The following ZNF318 variants were observed in gnomAD, a reference collection of about 807,000 sequenced individuals.
The protein encoded by ZNF318 is zinc finger protein 318.
ZNF318 carries 51 observed loss-of-function variants against 124.2 expected under a neutral mutation model. The ratio of observed to expected loss-of-function variants is 0.41; its 90% CI spans 0.33 to 0.52. The LOEUF (loss-of-function observed/expected upper bound fraction) is 0.52, where lower values mean the gene tolerates loss of function less well. Ranked by LOEUF, ZNF318 falls within the 20% of genes least tolerant of loss-of-function variation. ZNF318 has a pLI of 0.23. For synonymous variants in ZNF318, 1,090 were observed against 1,040.7 expected, an observed-to-expected ratio of 1.05 and a Z score of -0.91; for missense variants, 2,815 against 2,811.2, an observed-to-expected ratio of 1.00 and a Z score of -0.03.
In ZNF318 at chr6:43,348,635, C is replaced by A. The variant is rs1779482712; in HGVS notation, c.2771-10G>T. 1.2e-6 allele frequency: 2 copies of A among 1,605,490 alleles called. No individual in the cohort carries two copies. ...TTGCGCAGCATTTCTCCTGAGCAATCAAATGTCAACAAAAAGAAGCACAGG... is the reference window on the plus strand; with the variant it reads ...TTGCGCAGCATTTCTCCTGAGCAATAAAATGTCAACAAAAAGAAGCACAGG... On this transcript the variant is annotated splice_polypyrimidine_tract_variant and intron_variant, in intron 5 of 9. Coordinates refer to ENST00000361428, the MANE Select transcript of ZNF318 (RefSeq NM_014345.3).
At position 43,338,646 on chromosome 6, in the gene ZNF318, CCTTT is replaced by C. The variant is rs1197213483; in HGVS notation, c.5348_5351del (p.Glu1783GlyfsTer2). On this transcript the variant is annotated frameshift_variant, in exon 10 of 10. Coordinates refer to ENST00000361428, the MANE Select transcript of ZNF318 (RefSeq NM_014345.3). LOFTEE classifies it low-confidence loss of function (END_TRUNC). ...CTATCCCCTCAGACAGCTCCTTTAC[CCTTT>C]CTTTTAGTTCAGTGTTTGTCTCTAT... is the stretch of plus-strand genomic sequence containing the variant. 16 of 1,614,032 alleles carry C rather than the reference CCTTT, an allele frequency of 9.9e-6. No homozygotes were observed. The highest frequency in any genetic ancestry group is 1.7e-5 in the Admixed American group (1 of 60,002).
intron 2 of ZNF318, among the ~76,000 whole-genome samples, chr6:43,358,627 G>C (rs918094998): frequency 1.3e-4 from 20 of 152,120 alleles, no homozygotes; most frequent in African/African-American, 4.8e-4. Flanking sequence ...GATCTCGGCT[G>C]ACTGCAACCT....
rs754840305 is a variant in ZNF318, at chr6:43,340,922, A to G, written c.3377-14T>C. 2 of 1,590,032 alleles carry G rather than the reference A, an allele frequency of 1.3e-6. No individual in the cohort carries two copies. Among genetic ancestry groups the G allele is most frequent in the African/African-American group, 1.3e-5 (1 of 74,462 alleles). On this transcript the variant is annotated splice_polypyrimidine_tract_variant and intron_variant, in intron 8 of 9. Transcript: ENST00000361428. ...GAAACTCAGAGCCTGGAAGAAGTAG[A>G]AAAAAGTCAAGGAAATAAGTCGATT...
chr6:43,340,260 T>C lies in ZNF318; in HGVS notation c.3738A>G (p.Lys1246=), dbSNP rs1779354098. 5 of 1,613,942 alleles carry C rather than the reference T, an allele frequency of 3.1e-6. No homozygotes were observed. In the Admixed American group the frequency reaches 6.7e-5, roughly 22 times the overall value. Residue 1246 remains lysine, a synonymous_variant, in exon 10 of 10, where the codon AAA becomes AAG. Coordinates refer to ENST00000361428, the MANE Select transcript of ZNF318 (RefSeq NM_014345.3). ...TGCCAGTGTTCCTTTTATTTTCAGC[T>C]TTTTCAGGGGAGTTCCTACCCTCAG... ...QLSEGRNSPE[K]AENKRNTGIK...
At chr6:43,357,080 T>C in intron 3 of ZNF318, 46 bp downstream of exon 3, 1 of 1,559,290 alleles carries the variant, frequency 6.4e-7, no homozygotes, top group South Asian at 1.2e-5. Flanking sequence ...GGCTTTAAGA[T>C]ATTAGGGAGA....
At chr6:43,364,331 GAAAAAAAA>G (rs34131739) in intron 2 of ZNF318, 2 of 147,564 alleles carry the variant, frequency 1.4e-5, no homozygotes, top group Non-Finnish European at 2.7e-5. Context: ...AATTAAGCCT[GAAAAAAAA>G]AAAAAAAAAA....
Position 43,355,488 on chromosome 6 carries a change from G to C in ZNF318, c.1846C>G (p.Gln616Glu), listed in dbSNP as rs748824622. Residue 616 changes from glutamine to glutamate, a missense_variant, in exon 4 of 10, where the codon CAG becomes GAG. Around this residue, in one of 4 missense-constraint regions of ZNF318, gnomAD observed 1,377 missense variants for 1,353.5 expected, o/e 1.02. Coordinates refer to ENST00000361428, the MANE Select transcript of ZNF318 (RefSeq NM_014345.3). ...AEISQLAART[Q>E]ERLHGKKPSL... ...GGCTTCTTGCCATGAAGTCGTTCCT[G>C]GGTGCGTGCAGCCAATTGACTAATC... 3 of 1,614,200 alleles carry C rather than the reference G, an allele frequency of 1.9e-6. No homozygotes were observed. Among genetic ancestry groups the C allele is most frequent in the East Asian group, 4.5e-5 (2 of 44,886 alleles).
Position 43,340,541 on chromosome 6 carries a change from A to G in ZNF318, c.3496-39T>C, listed in dbSNP as rs751819075. The G allele has an allele frequency of 7.8e-6, 12 of 1,541,362 alleles. No homozygotes were observed. In the African/African-American group the frequency reaches 1.7e-4, roughly 22 times the overall value. ...AGATAAAGACTCAAAAACTGGTGAA[A>G]ATACAAGAGAAAAAAATCTTGGCCC... On this transcript the variant is annotated intron_variant, in intron 9 of 9. Transcript: ENST00000361428.
Position 43,340,316 on chromosome 6 carries a change from T to C in ZNF318, c.3682A>G (p.Lys1228Glu), listed in dbSNP as rs979143624. 4 of 1,614,008 alleles carry C rather than the reference T, an allele frequency of 2.5e-6. No homozygotes were observed. The highest frequency in any genetic ancestry group is 3.4e-6 in the Non-Finnish European group (4 of 1,180,030). Residue 1228 changes from lysine to glutamate, a missense_variant, in exon 10 of 10, where the codon AAG becomes GAG. By Grantham distance (56) the Lys-to-Glu change is moderately conservative. Coordinates refer to ENST00000361428, the MANE Select transcript of ZNF318 (RefSeq NM_014345.3). ...TGGTCTTCTAATTTCTCAGAGACCT[T>C]GTCATCCTCCTTTACTTCTTTCACA... is the stretch of plus-strand genomic sequence containing the variant. ...KAVKEVKEDD[K>E]VSEKLEDQLS...
chr6:43,354,615 A>G (rs1779577417), intron 4 of ZNF318, 49 bp downstream of exon 4: 1 of 1,517,370 alleles, frequency 6.6e-7, no homozygotes, highest in East Asian at 2.3e-5. Flanking sequence ...ATACAAATTT[A>G]TGGCAAAACA....
Position 43,357,344 on chromosome 6 carries a change from T to C in ZNF318, c.970A>G (p.Lys324Glu), listed in dbSNP as rs1333781314. The C allele has an allele frequency of 1.2e-6, 2 of 1,614,110 alleles. No individual in the cohort carries two copies. Among genetic ancestry groups the C allele is most frequent in the Non-Finnish European group, 1.7e-6 (2 of 1,180,004 alleles). The change falls in exon 3 of 10, where the codon AAG (lysine) becomes GAG (glutamate). Residue 324 changes from lysine (K) to glutamate (E), a missense_variant. Physicochemically the swap from Lys to Glu is moderately conservative, Grantham distance 56 (BLOSUM62 1). This residue lies in a region of ZNF318 where 1,377 missense variants were observed against 1,353.5 expected (regional missense o/e 1.02). Transcript: ENST00000361428. ...EFRELDLARR[K>E]REEEEERSRS... Reference sequence around the variant, plus strand: ...CTTCGCTCCTCCTCTTCCTCTCGCTTTCGTCTGGCAAGATCCAGTTCTCGA... The same window carrying C: ...CTTCGCTCCTCCTCTTCCTCTCGCTCTCGTCTGGCAAGATCCAGTTCTCGA...
intron 2 of ZNF318, chr6:43,363,964 G>GT (rs1413658570): frequency 1.5e-6 from 1 of 681,726 alleles, no homozygotes; most frequent in Non-Finnish European, 2.6e-6. Flanking sequence ...TCCTTGCAAG[G>GT]TGACAGGCTA....
chr6:43,338,849 T>G lies in ZNF318; in HGVS notation c.5149A>C (p.Ser1717Arg), dbSNP rs551888324. Residue 1717 changes from serine to arginine, a missense_variant, in exon 10 of 10, where the codon AGT becomes CGT. By Grantham distance (110) the Ser-to-Arg change is moderately radical. Around this residue, in one of 4 missense-constraint regions of ZNF318, gnomAD observed 927 missense variants for 820.6 expected, o/e 1.13. Transcript: ENST00000361428. ...DTSRDISPEKSELDLGEPGPP... is the reference protein window; with the variant it reads ...DTSRDISPEKRELDLGEPGPP... ...CCTGGCTCTCCCAGGTCAAGCTCAC[T>G]CTTCTCTGGAGATATATCCCTACTA... The G allele has an allele frequency of 1.2e-6, 2 of 1,614,168 alleles. No homozygotes were observed. Among genetic ancestry groups the G allele is most frequent in the East Asian group, 4.5e-5 (2 of 44,882 alleles).
Position 43,355,990 on chromosome 6 carries a change from G to T in ZNF318, c.1344C>A (p.Gly448=). The T allele has an allele frequency of 6.2e-7, 1 of 1,614,176 alleles. No individual in the cohort carries two copies. The highest frequency in any genetic ancestry group is 8.5e-7 in the Non-Finnish European group (1 of 1,180,030). ...MVETALKEPQ[G]NLYQWGPLPG... is the part of the protein sequence containing the mutation. ...GAAGGGGACCCCATTGGTAGAGGTT[G>T]CCCTGAGGTTCCTTCAAGGCAGTCT... Residue 448 remains glycine (G), a synonymous_variant, in exon 4 of 10, where the codon GGC becomes GGA. Coordinates refer to ENST00000361428, the MANE Select transcript of ZNF318 (RefSeq NM_014345.3).
chr6:43,359,938 C>G (rs1779659279), intron 2 of ZNF318, among the ~76,000 whole-genome samples: 1 of 152,130 alleles, frequency 6.6e-6, no homozygotes, highest in Non-Finnish European at 1.5e-5. Context: ...AAAAATTTTT[C>G]TCTATAGGTC....
In ZNF318 at chr6:43,339,829, G is replaced by C; in HGVS notation, c.4169C>G (p.Pro1390Arg). 1 of 1,614,188 alleles carries C rather than the reference G, an allele frequency of 6.2e-7. No individual in the cohort carries two copies. Among genetic ancestry groups the C allele is most frequent in the Non-Finnish European group, 8.5e-7 (1 of 1,180,026 alleles). Residue 1390 changes from proline (P) to arginine (R), a missense_variant, in exon 10 of 10, where the codon CCA becomes CGA. Around this residue, in one of 4 missense-constraint regions of ZNF318, gnomAD observed 500 missense variants for 605.2 expected, o/e 0.83. Transcript: ENST00000361428. The surrounding 1 kb of genome is among the most constrained non-coding windows in gnomAD (Gnocchi z 4.2). ...KSSGTTAKPL[P>R]VVKESSADLL... ...ATCAGCTGAAGACTCTTTAACCACT[G>C]GCAGAGGTTTAGCAGTGGTTCCAGA... is the stretch of plus-strand genomic sequence containing the variant.
rs1248845998 is a variant in ZNF318 at position 43,369,246 on chromosome 6, T to A, written c.120A>T (p.Ser40=). Residue 40 remains serine, a synonymous_variant, in exon 1 of 10, where the codon TCA becomes TCT. Transcript: ENST00000361428. ...AGGAGCCGGAGGGCGGAGGCGGCGG[T>A]GAGCTGCGGCGAGCCGGGCCTGAGG... ...GSSSGPARRS[S]PPPPPSGSSS... is the part of the protein sequence containing the mutation. 1 of 1,241,838 alleles carries A rather than the reference T, an allele frequency of 8.1e-7. No individual in the cohort carries two copies. The highest frequency in any genetic ancestry group is 1.0e-6 in the Non-Finnish European group (1 of 992,666). 76.9% of individuals were successfully genotyped at this position (1,241,838 alleles called of 1,614,324 possible). A position where few individuals can be genotyped will look rare whatever the true frequency, so the allele number is the denominator to read the frequency against.
intron 6 of ZNF318, among the ~76,000 whole-genome samples, chr6:43,344,739 G>C (rs1779414718): frequency 6.6e-6 from 1 of 151,908 alleles, no homozygotes; most frequent in Non-Finnish European, 1.5e-5. Flanking sequence ...CCCATATCTA[G>C]ACCAGTTCCT....
rs1397153536 is a variant in ZNF318 at position 43,357,176 on chromosome 6, A to G, written c.1138T>C (p.Ser380Pro). The change falls in exon 3 of 10, where the codon TCC becomes CCC. Residue 380 changes from serine (S) to proline (P), a missense_variant. Around this residue, in one of 4 missense-constraint regions of ZNF318, gnomAD observed 1,377 missense variants for 1,353.5 expected, o/e 1.02. Coordinates refer to ENST00000361428, the MANE Select transcript of ZNF318 (RefSeq NM_014345.3). ...ACCTCAATCCGCTTCTTCAAAATGG[A>G]TTTCTTGGGCATCACAGATACTTCC... ...PEEVSVMPKK[S>P]ILKKRIEVDI... 1 of 1,613,976 alleles carries G rather than the reference A, an allele frequency of 6.2e-7. No homozygotes were observed. The highest frequency in any genetic ancestry group is 8.5e-7 in the Non-Finnish European group (1 of 1,180,008).
Sources: allele counts gnomAD v4.1 joint callset (sites outside exome capture counted in the v4.1 genomes callset), GRCh38; gene constraint gnomAD v4.1.1; regional missense constraint gnomAD v4.1.1; non-coding constraint Gnocchi (gnomAD v3.1); transcripts MANE v1.5; gene names NCBI Gene and HGNC (gene_info 2026-07-23, HGNC 2026-07-21).